PLA2G4C: variants seen among roughly 807,000 people sequenced by gnomAD.
The protein encoded by PLA2G4C is phospholipase A2 group IVC, also known as cytosolic phospholipase A2 gamma.
In PLA2G4C, 64 loss-of-function variants were observed where a neutral mutation model predicts 73.8. That is an observed-to-expected ratio of 0.87 (90% CI 0.71 to 1.07). PLA2G4C has a LOEUF of 1.07. PLA2G4C is among the 50% of genes least tolerant of loss of function. The pLI, the probability that PLA2G4C is intolerant of heterozygous loss-of-function variation, is 0.00. For synonymous variants in PLA2G4C, 254 were observed against 252.1 expected (o/e 1.01, Z -0.07); for missense variants, 622 against 665.4 (o/e 0.93, Z 0.72).
At chr19:48,104,494 G>A in intron 4 of PLA2G4C, 94 bp downstream of exon 4, 1 of 1,214,376 alleles carries the variant, frequency 8.2e-7, no homozygotes, top group Non-Finnish European at 1.2e-6. Context: ...TCGAGAAGCA[G>A]CGTTGGAAAA....
intron 9 of PLA2G4C, among the ~76,000 whole-genome samples, chr19:48,088,154 T>C (rs1323626285): frequency 6.6e-6 from 1 of 152,110 alleles, no homozygotes; most frequent in Non-Finnish European, 1.5e-5. Context: ...GGGAATGAGT[T>C]AAGCTTCAAG....
chr19:48,069,059 A>T (rs2122524075), intron 12 of PLA2G4C, among the ~76,000 whole-genome samples: 1 of 146,726 alleles, frequency 6.8e-6, no homozygotes, highest in East Asian at 2.1e-4. Context: ...AAAAAAAAAA[A>T]AACGGTGAGG....
At chr19:48,065,891 T>C (rs1031070791) in intron 13 of PLA2G4C, among the ~76,000 whole-genome samples, 1 of 152,146 alleles carries the variant, frequency 6.6e-6, no homozygotes, top group Non-Finnish European at 1.5e-5. Flanking sequence ...GTCAGGAGTT[T>C]GAGACCAGCC....
In PLA2G4C at chr19:48,051,641, G is replaced by A. The variant is rs531417780; in HGVS notation, c.1580+1356C>T. ...CTCGTGAGAACTCCCTCACTCTCAC[G>A]AGAACAGCATAAGGGAAGCCACCCC... is the stretch of plus-strand genomic sequence containing the variant. On this transcript the variant is annotated intron_variant, in intron 16 of 16. Transcript: ENST00000599921. Among the ~76,000 whole-genome samples the A allele has an allele frequency of 1.2e-3, 176 of 152,014 alleles. 2 individuals carry two copies. Among genetic ancestry groups the A allele is most frequent in the African/African-American group, 4.0e-3 (164 of 41,472 alleles).
intron 4 of PLA2G4C, among the ~76,000 whole-genome samples, chr19:48,101,126 A>ATATATATATATATTTTT (rs1491313107): frequency 1.3e-5 from 1 of 74,154 alleles, no homozygotes; most frequent in African/African-American, 6.4e-5. Context: ...ATATATATAT[A>ATATATATATATATTTTT]TTTTTTTTTT....
intron 10 of PLA2G4C, among the ~76,000 whole-genome samples, chr19:48,083,550 C>T (rs1205767453): frequency 2.0e-5 from 3 of 149,364 alleles, no homozygotes; most frequent in Non-Finnish European, 4.4e-5. Flanking sequence ...TGGGTTCAAG[C>T]GATTCTCCTG....
At chr19:48,104,517 T>C in intron 4 of PLA2G4C, 71 bp downstream of exon 4, 6 of 1,462,654 alleles carry the variant, frequency 4.1e-6, no homozygotes, top group Non-Finnish European at 4.8e-6. Context: ...CCACACACAT[T>C]TGGTGTCAGG....
Position 48,110,563 on chromosome 19 carries a change from C to CGGAATCCGGTG in PLA2G4C, c.-110_-109insCACCGGATTCC, listed in dbSNP as rs1555757415. 6.8e-7 allele frequency: 1 copy of CGGAATCCGGTG among 1,475,058 alleles called. No individual in the cohort carries two copies. The highest frequency in any genetic ancestry group is 9.0e-7 in the Non-Finnish European group (1 of 1,108,606). 91.4% of individuals were successfully genotyped at this position (1,475,058 alleles called of 1,614,324 possible). Reference sequence around the variant, plus strand: ...GAATCCGGTGCGGAGGCTTGGGCTCCCTGCGCTTAGCGGTGTAGTCGCTGG... The same window carrying CGGAATCCGGTG: ...GAATCCGGTGCGGAGGCTTGGGCTCCGGAATCCGGTGCTGCGCTTAGCGGTGTAGTCGCTGG... On this transcript the variant is annotated 5_prime_UTR_variant, in exon 1 of 17. Coordinates refer to ENST00000599921, the MANE Select transcript of PLA2G4C (RefSeq NM_003706.3).
rs1967593096 is a variant in PLA2G4C at position 48,048,208 on chromosome 19, C to T, written c.*135G>A. 3.1e-5 allele frequency: 20 copies of T among 644,106 alleles called. No individual in the cohort carries two copies. In the East Asian group the frequency reaches 5.4e-4, roughly 17 times the overall value. The allele number at this position is 644,106 out of a possible 1,614,324, so 39.9% of individuals were successfully genotyped here. On this transcript the variant is annotated 3_prime_UTR_variant, in exon 17 of 17. Transcript: ENST00000599921. ...AGTCTAGCTGGTCACTGGTGATTGG[C>T]CCTGTTAGGACAGCCAAGGTGAACT...
intron 6 of PLA2G4C, chr19:48,096,806 G>C (rs16981245): frequency 0.095 from 14,442 of 152,182 alleles, 1,626 homozygotes; most frequent in African/African-American, 0.26. Context: ...TGGAATGTCT[G>C]GAGAGCTGCC....
intron 13 of PLA2G4C, among the ~76,000 whole-genome samples, chr19:48,067,163 A>G (rs1968460012): frequency 7.1e-6 from 1 of 139,938 alleles, no homozygotes; most frequent in African/African-American, 2.8e-5. Context: ...AACCCATACA[A>G]ATGTGTGTTG....
chr19:48,083,593 A>C (rs1252858234), intron 10 of PLA2G4C, among the ~76,000 whole-genome samples: 1 of 150,732 alleles, frequency 6.6e-6, no homozygotes, highest in Non-Finnish European at 1.5e-5. Context: ...GATTACAGGC[A>C]TGTACCACCA....
intron 8 of PLA2G4C, 74 bp downstream of exon 8, chr19:48,090,290 G>C: frequency 9.6e-7 from 1 of 1,042,014 alleles, no homozygotes; most frequent in Non-Finnish European, 1.5e-6. Context: ...TCTGCCATGA[G>C]TAGGAAAAGT....
At position 48,105,420 on chromosome 19, in the gene PLA2G4C, C is replaced by G; in HGVS notation, c.33G>C (p.Gly11=). 2 of 1,613,478 alleles carry G rather than the reference C, an allele frequency of 1.2e-6. No homozygotes were observed. The highest frequency in any genetic ancestry group is 1.7e-6 in the Non-Finnish European group (2 of 1,179,712). The change falls in exon 3 of 17, where the codon GGG becomes GGC. Residue 11 remains glycine, a synonymous_variant. Coordinates refer to ENST00000599921, the MANE Select transcript of PLA2G4C (RefSeq NM_003706.3). MGSSEVSIIP[G]LQKEEKAAVE... ...CGGCCGCCTTTTCTTCTTTCTGGAG[C>G]CCAGGAATTATGGAAACTTCAGAGC...
At chr19:48,087,892 T>C (rs1014780517) in intron 9 of PLA2G4C, among the ~76,000 whole-genome samples, 6 of 149,390 alleles carry the variant, frequency 4.0e-5, no homozygotes, top group African/African-American at 1.5e-4. Flanking sequence ...GCTGAGATCA[T>C]GCCATTGTAT....
chr19:48,105,010 G>A lies in PLA2G4C; in HGVS notation c.121-286C>T, dbSNP rs528313498. Among the ~76,000 whole-genome samples the A allele has an allele frequency of 2.0e-5, 3 of 150,932 alleles. No individual in the cohort carries two copies. The South Asian group carries it at 6.3e-4, about 32-fold the overall frequency. ...ATGCAGGGGAATAGCTTGAACCTGG[G>A]AGGTGGAGGTTGCAGTGAGCCAAGA... On this transcript the variant is annotated intron_variant, in intron 3 of 16. Coordinates refer to ENST00000599921, the MANE Select transcript of PLA2G4C (RefSeq NM_003706.3).
At chr19:48,089,079 T>C (rs1374480389) in intron 8 of PLA2G4C, among the ~76,000 whole-genome samples, 1 of 152,178 alleles carries the variant, frequency 6.6e-6, no homozygotes, top group East Asian at 1.9e-4. Flanking sequence ...TGGATATAGA[T>C]AGATTCCCTT....
In PLA2G4C at chr19:48,067,841, C is replaced by T. The variant is rs1968499149; in HGVS notation, c.1052G>A (p.Cys351Tyr). The T allele has an allele frequency of 5.6e-6, 9 of 1,613,922 alleles. No homozygotes were observed. The highest frequency in any genetic ancestry group is 2.2e-5 in the East Asian group (1 of 44,866). Residue 351 changes from cysteine (C) to tyrosine (Y), a missense_variant, in exon 13 of 17, where the codon TGC (cysteine) becomes TAC (tyrosine). Physicochemically the swap from Cys to Tyr is radical, Grantham distance 194 (BLOSUM62 -2). Coordinates refer to ENST00000599921, the MANE Select transcript of PLA2G4C (RefSeq NM_003706.3). ...GGTCCCCCATTCCCACTTTGAAGCG[C>T]AAATGCCTGTTTTCTTCACAAAATC... ...LMDFVKKTGICASKWEWGTTH... is the reference protein window; with the variant it reads ...LMDFVKKTGIYASKWEWGTTH...
chr19:48,087,646 G>A (rs987551989), intron 9 of PLA2G4C, among the ~76,000 whole-genome samples: 7 of 152,018 alleles, frequency 4.6e-5, no homozygotes, highest in Admixed American at 1.3e-4. Flanking sequence ...ATAAGACCAC[G>A]GTGCACAGCC....
Sources: gnomAD v4.1 joint callset for allele counts (sites outside exome capture counted in the v4.1 genomes callset) on GRCh38, gnomAD v4.1.1 for gene constraint, MANE v1.5 for transcripts, NCBI Gene and HGNC (gene_info 2026-07-23, HGNC 2026-07-21) for gene names.